SLC14A2: variants seen among roughly 807,000 people sequenced by gnomAD.
SLC14A2 encodes the protein solute carrier family 14 member 2, also known as urea transporter 2.
Under a neutral mutation model 104.6 loss-of-function variants are expected in SLC14A2, and 91 were observed. The ratio of observed to expected loss-of-function variants is 0.87; its 90% CI spans 0.73 to 1.04. The LOEUF is 1.04. Ranked by LOEUF, SLC14A2 falls within the 50% of genes least tolerant of loss-of-function variation. The probability of loss-of-function intolerance (pLI) is 0.00; values close to 1 mark genes in which losing one functional copy is unlikely to be tolerated. For missense variants in SLC14A2, 1,189 were observed against 1,156.0 expected (o/e 1.03, Z -0.41); for synonymous variants, 476 against 466.4 (o/e 1.02, Z -0.27).
At chr18:45,270,380 A>G (rs997844512) in intron 1 of SLC14A2, among the ~76,000 whole-genome samples, 1 of 152,202 alleles carries the variant, frequency 6.6e-6, no homozygotes, top group Non-Finnish European at 1.5e-5. Flanking sequence ...ACTAGAGGGA[A>G]GAGAAGCCAC....
At chr18:45,241,298 G>A (rs1406800607) in intron 1 of SLC14A2, among the ~76,000 whole-genome samples, 1 of 152,196 alleles carries the variant, frequency 6.6e-6, no homozygotes, top group Admixed American at 6.5e-5. Flanking sequence ...TCTGGCTGCT[G>A]TCTTGGGAAA....
At chr18:45,530,771 C>T (rs2043672609) in intron 2 of SLC14A2, among the ~76,000 whole-genome samples, 1 of 152,006 alleles carries the variant, frequency 6.6e-6, no homozygotes, top group African/African-American at 2.4e-5. Flanking sequence ...CATATGTATA[C>T]ATGTGCCATG....
chr18:45,499,102 A>T (rs1000940152), intron 2 of SLC14A2, among the ~76,000 whole-genome samples: 4 of 151,750 alleles, frequency 2.6e-5, no homozygotes, highest in African/African-American at 9.7e-5. Context: ...CACCACCACC[A>T]CCTTCATTTT....
intron 1 of SLC14A2, among the ~76,000 whole-genome samples, chr18:45,473,357 T>C (rs941566329): frequency 1.3e-5 from 2 of 152,242 alleles, no homozygotes; most frequent in African/African-American, 4.8e-5. Flanking sequence ...CTTAGCTACA[T>C]GGGCTCTTTT....
intron 1 of SLC14A2, among the ~76,000 whole-genome samples, chr18:45,252,194 G>C (rs1020454537): frequency 6.6e-6 from 1 of 152,084 alleles, no homozygotes; most frequent in African/African-American, 2.4e-5. Context: ...CAGAACCATA[G>C]ACTTATTTTC....
chr18:45,644,388 A>T, intron 10 of SLC14A2: 1 of 433,236 alleles, frequency 2.3e-6, no homozygotes, highest in East Asian at 3.2e-5. Context: ...TTGGTATTAC[A>T]GTAAAATTTC....
chr18:45,268,554 T>G (rs1169105777), intron 1 of SLC14A2, among the ~76,000 whole-genome samples: 2 of 152,222 alleles, frequency 1.3e-5, no homozygotes, highest in African/African-American at 4.8e-5. Flanking sequence ...TTTTTCCCCC[T>G]TTGTCCTGGT....
chr18:45,235,556 C>A (rs2084216444), intron 1 of SLC14A2, among the ~76,000 whole-genome samples: 1 of 151,664 alleles, frequency 6.6e-6, no homozygotes, highest in South Asian at 2.1e-4. Flanking sequence ...TTTAACCAAC[C>A]TCTGTATATT....
intron 10 of SLC14A2, among the ~76,000 whole-genome samples, chr18:45,654,266 T>C (rs975795415): frequency 6.6e-6 from 1 of 152,106 alleles, no homozygotes; most frequent in African/African-American, 2.4e-5. Context: ...AGTGAATTTA[T>C]AGCAAGTCAG....
chr18:45,258,462 A>G (rs2084502707), intron 1 of SLC14A2, among the ~76,000 whole-genome samples: 2 of 143,146 alleles, frequency 1.4e-5, no homozygotes. Flanking sequence ...AACCATTGCA[A>G]TATGCTACAG....
chr18:45,633,840 G>A (rs1006494443), intron 5 of SLC14A2, among the ~76,000 whole-genome samples: 12 of 152,210 alleles, frequency 7.9e-5, no homozygotes, highest in Admixed American at 4.6e-4. Flanking sequence ...CTACATTAAG[G>A]ATTCTGGGCA....
chr18:45,500,353 G>A (rs562220385), intron 2 of SLC14A2, among the ~76,000 whole-genome samples: 90 of 152,160 alleles, frequency 5.9e-4, no homozygotes, highest in Non-Finnish European at 9.4e-4. Context: ...CGAGGCGGGC[G>A]GATCACGAGG....
intron 1 of SLC14A2, among the ~76,000 whole-genome samples, chr18:45,379,525 T>C (rs1053817413): frequency 2.6e-5 from 4 of 152,172 alleles, no homozygotes; most frequent in Admixed American, 6.5e-5. Flanking sequence ...GTCATTACTC[T>C]TATCTGAATG....
In SLC14A2 at chr18:45,512,430, A is replaced by G. The variant is rs112726221; in HGVS notation, c.-35+29108A>G. Among the ~76,000 whole-genome samples the G allele has an allele frequency of 6.2e-3, 949 of 152,300 alleles. 7 individuals are homozygous for G. The highest frequency in any genetic ancestry group is 8.8e-3 in the Non-Finnish European group (598 of 68,028). On this transcript the variant is annotated intron_variant, in intron 2 of 20. Transcript: ENST00000586448. ...GAAAATTGCCTGATGCATACTGAAG[A>G]GTCAAGAGAAATTCGTTGGAGTACA...
intron 10 of SLC14A2, among the ~76,000 whole-genome samples, chr18:45,657,464 G>A (rs2045856601): frequency 6.7e-6 from 1 of 148,580 alleles, no homozygotes; most frequent in Admixed American, 6.7e-5. Context: ...TCCAGTCTGG[G>A]TGACAGAGCG....
rs903678338 is a variant in SLC14A2, at chr18:45,274,526, C to T, written c.-125+61335C>T. 3.3e-5 allele frequency among the ~76,000 whole-genome samples: 5 copies of T among 152,142 alleles called. No individual in the cohort carries two copies. In the East Asian group the frequency reaches 5.8e-4, roughly 18 times the overall value. On this transcript the variant is annotated intron_variant, in intron 1 of 20. Coordinates refer to the SLC14A2 transcript ENST00000586448. ...GTTTTCCAAATCTCTGATTACTCCA[C>T]GGTTATGGATGCAACATCTTGTTAC...
chr18:45,648,255 G>T (rs1245552210), intron 10 of SLC14A2, among the ~76,000 whole-genome samples: 3 of 138,788 alleles, frequency 2.2e-5, no homozygotes, highest in South Asian at 2.3e-4. Flanking sequence ...GCCCAGGCTG[G>T]AGTGCAGTGG....
chr18:45,551,520 GGCCGGCCCTC>G, intron 2 of SLC14A2, among the ~76,000 whole-genome samples: 1 of 152,188 alleles, frequency 6.6e-6, no homozygotes, highest in Admixed American at 6.5e-5. Context: ...GTTCTGTCTG[GGCCGGCCCTC>G]GATGTCAGTC....
intron 1 of SLC14A2, among the ~76,000 whole-genome samples, chr18:45,300,558 G>T (rs549340579): frequency 6.6e-6 from 1 of 152,220 alleles, no homozygotes; most frequent in East Asian, 1.9e-4. Flanking sequence ...CCCATTATGT[G>T]CAGGTCACTG....
Sources: gnomAD v4.1 joint callset for allele counts (sites outside exome capture counted in the v4.1 genomes callset) on GRCh38, gnomAD v4.1.1 for gene constraint, MANE v1.5 for transcripts, NCBI Gene and HGNC (gene_info 2026-07-23, HGNC 2026-07-21) for gene names.